MED12L: variants seen among roughly 807,000 people sequenced by gnomAD.
MED12L encodes the protein mediator complex subunit 12L, also known as mediator of RNA polymerase II transcription subunit 12-like protein.
In MED12L, 60 loss-of-function variants were observed where a neutral mutation model predicts 281.3. The ratio of observed to expected loss-of-function variants is 0.21; its 90% CI spans 0.17 to 0.26. The LOEUF is 0.26. MED12L is among the 10% of genes least tolerant of loss of function. The probability of loss-of-function intolerance (pLI) is 1.00; values close to 1 mark genes in which losing one functional copy is unlikely to be tolerated. For missense variants in MED12L, 2,146 were observed against 2,680.9 expected (o/e 0.80, Z 4.41); for synonymous variants, 974 against 987.2 (o/e 0.99, Z 0.25).
chr3:151,269,222 G>T (rs555857638), intron 16 of MED12L, among the ~76,000 whole-genome samples: 1 of 152,180 alleles, frequency 6.6e-6, no homozygotes, highest in Non-Finnish European at 1.5e-5. Flanking sequence ...CCAACATGCA[G>T]AAACCCCATC....
chr3:151,213,290 G>C lies in MED12L; in HGVS notation c.2250+19624G>C, dbSNP rs191787749. ...GCACACGTGGTCTTTCTTTGGAAGAGGGTAGGAACTCACAAAGTATCTGTG... is the reference window on the plus strand; with the variant it reads ...GCACACGTGGTCTTTCTTTGGAAGACGGTAGGAACTCACAAAGTATCTGTG... On this transcript the variant is annotated intron_variant, in intron 16 of 44. Transcript: ENST00000687756. 5.0e-6 allele frequency: 8 copies of C among 1,584,342 alleles called. No homozygotes were observed. The African/African-American group carries it at 8.1e-5, about 16-fold the overall frequency.
Position 151,432,719 on chromosome 3 carries a change from T to G in MED12L, c.6491-33T>G, listed in dbSNP as rs753453243. 4.4e-6 allele frequency: 7 copies of G among 1,574,402 alleles called. No individual in the cohort carries two copies. In the African/African-American group the frequency reaches 6.7e-5, roughly 15 times the overall value. On this transcript the variant is annotated intron_variant, in intron 44 of 44. Coordinates refer to ENST00000687756, the MANE Select transcript of MED12L (RefSeq NM_001393769.1). Reference sequence around the variant, plus strand: ...TCCATCTGTGCAATAGTTTTGTGTCTGTAATTTTGGTTCAATTTATTTTTC... The same window carrying G: ...TCCATCTGTGCAATAGTTTTGTGTCGGTAATTTTGGTTCAATTTATTTTTC...
intron 16 of MED12L, among the ~76,000 whole-genome samples, chr3:151,278,737 A>C (rs578109191): frequency 6.6e-6 from 1 of 152,186 alleles, no homozygotes; most frequent in Non-Finnish European, 1.5e-5. Context: ...TTCTTTCTGA[A>C]GCACCCTCAG....
intron 16 of MED12L, chr3:151,337,977 T>C (rs1486144291): frequency 1.2e-6 from 2 of 1,614,112 alleles, no homozygotes; most frequent in Non-Finnish European, 1.7e-6. Flanking sequence ...CAGGCATGCA[T>C]TTAAGGAAGT....
In MED12L at chr3:151,390,090, C is replaced by A; in HGVS notation, c.5563C>A (p.Pro1855Thr). The A allele has an allele frequency of 6.2e-7, 1 of 1,614,104 alleles. No homozygotes were observed. The highest frequency in any genetic ancestry group is 8.5e-7 in the Non-Finnish European group (1 of 1,179,968). The stretch of plus-strand genomic sequence containing the variant: ...GTGGGGTTACAACCTCGTGGGCCAG[C>A]CCCAGCAGCCCGGCTTTTTCCTTCA... Reference protein sequence around the residue: ...TLWGYNLVGQPQQPGFFLQNQ... With the variant: ...TLWGYNLVGQTQQPGFFLQNQ... Residue 1855 changes from proline to threonine, a missense_variant, in exon 38 of 45, where the codon CCC (proline) becomes ACC (threonine). By Grantham distance (38) the Pro-to-Thr change is conservative. This residue lies in a region of MED12L where 496 missense variants were observed against 512.0 expected (regional missense o/e 0.97). Coordinates refer to ENST00000687756, the MANE Select transcript of MED12L (RefSeq NM_001393769.1).
At chr3:151,395,048 T>C (rs905661396) in intron 39 of MED12L, among the ~76,000 whole-genome samples, 181 bp downstream of exon 39, 1 of 152,250 alleles carries the variant, frequency 6.6e-6, no homozygotes, top group African/African-American at 2.4e-5. Context: ...TTTACTGTTA[T>C]CATTGCTCAA....
At chr3:151,182,777 T>C (rs1722856680) in intron 11 of MED12L, among the ~76,000 whole-genome samples, 1 of 151,938 alleles carries the variant, frequency 6.6e-6, no homozygotes, top group African/African-American at 2.4e-5. Context: ...TGAGCTTAGT[T>C]TGGGATCAGG....
intron 16 of MED12L, chr3:151,212,609 A>T (rs1385081034): frequency 6.6e-6 from 1 of 152,170 alleles, no homozygotes; most frequent in East Asian, 1.9e-4. Flanking sequence ...CCCCAGGCTC[A>T]TTAAATGACG....
chr3:151,211,681 T>C (rs1016980081), intron 16 of MED12L, among the ~76,000 whole-genome samples: 7 of 152,204 alleles, frequency 4.6e-5, no homozygotes, highest in Admixed American at 1.3e-4. Context: ...AGGTTCTTGC[T>C]CTGTTGCCCA....
chr3:151,136,102 C>T (rs999546004), intron 5 of MED12L, among the ~76,000 whole-genome samples: 16 of 152,202 alleles, frequency 1.1e-4, no homozygotes, highest in African/African-American at 3.6e-4. Flanking sequence ...AGAGACTTTT[C>T]TTGGTTGACT....
chr3:151,163,420 A>G (rs1199418215), intron 8 of MED12L, among the ~76,000 whole-genome samples: 3 of 152,018 alleles, frequency 2.0e-5, no homozygotes, highest in African/African-American at 7.2e-5. Flanking sequence ...AAGTTTGACA[A>G]CCCCTTGTCC....
chr3:151,309,201 C>T (rs768129705), intron 16 of MED12L, among the ~76,000 whole-genome samples: 2 of 151,536 alleles, frequency 1.3e-5, no homozygotes, highest in Non-Finnish European at 2.9e-5. Flanking sequence ...AATTTATCAA[C>T]TTCTGGCATT....
At chr3:151,248,885 G>A (rs2149438593) in intron 16 of MED12L, 1 of 152,214 alleles carries the variant, frequency 6.6e-6, no homozygotes, top group East Asian at 1.9e-4. Context: ...AGTCTTTTAG[G>A]TTCTCTGTAG....
intron 39 of MED12L, among the ~76,000 whole-genome samples, chr3:151,398,448 A>G (rs998537048): frequency 6.6e-6 from 1 of 152,216 alleles, no homozygotes; most frequent in Non-Finnish European, 1.5e-5. Flanking sequence ...GAGATTGTAC[A>G]TGAGCTTCAG....
chr3:151,165,753 T>A, intron 10 of MED12L, 93 bp from the exon 11 acceptor site: 1 of 1,340,902 alleles, frequency 7.5e-7, no homozygotes, highest in Admixed American at 2.2e-5. Context: ...TAAAAAAAAA[T>A]TCTTTTGCCT....
chr3:151,403,580 A>G (rs1312117411), intron 39 of MED12L, among the ~76,000 whole-genome samples: 1 of 152,162 alleles, frequency 6.6e-6, no homozygotes, highest in Non-Finnish European at 1.5e-5. Flanking sequence ...CATGCATGTC[A>G]TAAGACTTCA....
intron 16 of MED12L, among the ~76,000 whole-genome samples, chr3:151,246,033 G>C (rs1408500482): frequency 2.7e-5 from 4 of 150,926 alleles, no homozygotes; most frequent in African/African-American, 7.3e-5. Flanking sequence ...GCTTCAAAGA[G>C]AATAAAATAC....
At chr3:151,201,237 T>C in intron 16 of MED12L, among the ~76,000 whole-genome samples, 1 of 152,156 alleles carries the variant, frequency 6.6e-6, no homozygotes, top group Non-Finnish European at 1.5e-5. Context: ...TCTCTCTCTC[T>C]CTCTCTCTCA....
chr3:151,302,352 A>G (rs1021793037), intron 16 of MED12L, among the ~76,000 whole-genome samples: 2 of 152,226 alleles, frequency 1.3e-5, no homozygotes, highest in Non-Finnish European at 2.9e-5. Flanking sequence ...GTTAAAGATC[A>G]CGGAATGTGA....
Sources: gnomAD v4.1 joint callset for allele counts (sites outside exome capture counted in the v4.1 genomes callset) on GRCh38, gnomAD v4.1.1 for gene constraint, gnomAD v4.1.1 regional missense constraint, MANE v1.5 for transcripts, NCBI Gene and HGNC (gene_info 2026-07-23, HGNC 2026-07-21) for gene names.